Variants in SNX29 observed in about 807,000 individuals in gnomAD.
SNX29 encodes sorting nexin-29.
SNX29 carries 78 observed loss-of-function variants against 102.1 expected under a neutral mutation model. That is an observed-to-expected ratio of 0.76 (90% CI 0.64 to 0.92). SNX29 has a LOEUF of 0.92. Ranked by LOEUF, SNX29 falls within the 40% of genes least tolerant of loss-of-function variation. The probability of loss-of-function intolerance (pLI) is 0.00; values close to 1 mark genes in which losing one functional copy is unlikely to be tolerated. For missense variants in SNX29, 1,280 were observed against 1,061.7 expected (o/e 1.21, Z -2.86); for synonymous variants, 580 against 414.5 (o/e 1.40, Z -4.85).
At chr16:12,252,608 G>A (rs1245203207) in intron 14 of SNX29, among the ~76,000 whole-genome samples, 1 of 152,202 alleles carries the variant, frequency 6.6e-6, no homozygotes, top group Non-Finnish European at 1.5e-5. Flanking sequence ...GCATTTCCCG[G>A]TTCCATCAGT....
chr16:12,574,068 C>T lies in SNX29; in HGVS notation c.*5439C>T, dbSNP rs2141602249. ...CTGTGTGTACATAAGGTCTAGAAGT[C>T]TGTGGAAACGCCCTGAAACCTGTAG... On this transcript the variant is annotated 3_prime_UTR_variant, in exon 21 of 21. Transcript: ENST00000566228. 5.2e-6 allele frequency: 1 copy of T among 192,110 alleles called. No individual in the cohort carries two copies. The highest frequency in any genetic ancestry group is 8.3e-5 in the East Asian group (1 of 12,026). The allele number at this position is 192,110 out of a possible 1,614,324, so 11.9% of individuals were successfully genotyped here.
At chr16:12,095,428 AT>A (rs1239417625) in intron 11 of SNX29, 6 of 152,038 alleles carry the variant, frequency 3.9e-5, no homozygotes, top group Admixed American at 3.3e-4. Flanking sequence ...GGTTATCTGA[AT>A]TTTTCATGTC....
chr16:12,574,075 A>T lies in SNX29; in HGVS notation c.*5446A>T, dbSNP rs142647472. 100 of 191,278 alleles carry T rather than the reference A, an allele frequency of 5.2e-4. 1 individual carries two copies. Among genetic ancestry groups the T allele is most frequent in the African/African-American group, 2.1e-3 (92 of 43,112 alleles). 11.8% of individuals were successfully genotyped at this position (191,278 alleles called of 1,614,324 possible). On this transcript the variant is annotated 3_prime_UTR_variant, in exon 21 of 21. Transcript: ENST00000566228. ...TACATAAGGTCTAGAAGTCTGTGGA[A>T]ACGCCCTGAAACCTGTAGTATTATC...
intron 16 of SNX29, among the ~76,000 whole-genome samples, chr16:12,381,007 T>C (rs866458265): frequency 5.7e-4 from 16 of 28,130 alleles, no homozygotes; most frequent in African/African-American, 7.7e-4. Flanking sequence ...CCACCATCCA[T>C]CCACCCACCC....
intron 18 of SNX29, among the ~76,000 whole-genome samples, chr16:12,475,899 T>A (rs893437316): frequency 1.3e-5 from 2 of 152,224 alleles, no homozygotes; most frequent in Non-Finnish European, 2.9e-5. Flanking sequence ...GGCCATAGTT[T>A]GCCCACCCCG....
intron 15 of SNX29, among the ~76,000 whole-genome samples, chr16:12,334,953 T>C (rs1404240841): frequency 2.7e-5 from 4 of 147,508 alleles, no homozygotes; most frequent in Non-Finnish European, 5.9e-5. Context: ...TTTGATGTCA[T>C]ACACAAACCT....
At chr16:12,068,409 G>T (rs1042261940) in intron 9 of SNX29, among the ~76,000 whole-genome samples, 15 of 150,746 alleles carry the variant, frequency 1.0e-4, no homozygotes, top group African/African-American at 3.7e-4. Context: ...GACCACTGGA[G>T]CCTGGGAGGT....
intron 20 of SNX29, among the ~76,000 whole-genome samples, chr16:12,566,570 G>A (rs907926943): frequency 6.6e-6 from 1 of 152,180 alleles, no homozygotes. Flanking sequence ...GCTTTAAACT[G>A]ACTTTTACAT....
In SNX29 at chr16:11,976,790, G is replaced by T. The variant is rs908710673; in HGVS notation, c.-17G>T. ...CGGCGGCGGCGCGGCGCAGGCACCG[G>T]CCCGGGGAGAGGCACCATGAGCGGT... is the stretch of plus-strand genomic sequence containing the variant. On this transcript the variant is annotated 5_prime_UTR_variant, in exon 1 of 21. Coordinates refer to ENST00000566228, the MANE Select transcript of SNX29 (RefSeq NM_032167.5). 1 of 1,373,358 alleles carries T rather than the reference G, an allele frequency of 7.3e-7. No homozygotes were observed. Among genetic ancestry groups the T allele is most frequent in the South Asian group, 1.6e-5 (1 of 61,208 alleles). 85.1% of individuals were successfully genotyped at this position (1,373,358 alleles called of 1,614,324 possible). A position where few individuals can be genotyped will look rare whatever the true frequency, so the allele number is the denominator to read the frequency against.
chr16:12,004,909 G>A (rs1382126163), intron 3 of SNX29, among the ~76,000 whole-genome samples: 4 of 152,136 alleles, frequency 2.6e-5, no homozygotes. Context: ...TCACTATAAT[G>A]TCGGCTCTGT....
rs546749104 is a variant in SNX29, at chr16:12,317,319, T to C, written c.1783-38844T>C. Among the ~76,000 whole-genome samples the C allele has an allele frequency of 5.3e-5, 8 of 152,272 alleles. No individual in the cohort carries two copies. The South Asian group carries it at 1.7e-3, about 32-fold the overall frequency. ...ATGCGCAGGACTCAGTCTGAACAGGTGGCTCCCCTCGTCTTCCCCCTGGCT... is the reference window on the plus strand; with the variant it reads ...ATGCGCAGGACTCAGTCTGAACAGGCGGCTCCCCTCGTCTTCCCCCTGGCT... On this transcript the variant is annotated intron_variant, in intron 15 of 20. Coordinates refer to ENST00000566228, the MANE Select transcript of SNX29 (RefSeq NM_032167.5).
At chr16:12,155,774 A>G (rs2055521842) in intron 13 of SNX29, among the ~76,000 whole-genome samples, 1 of 152,156 alleles carries the variant, frequency 6.6e-6, no homozygotes, top group African/African-American at 2.4e-5. Context: ...TACAACCACC[A>G]TGGGTTCACT....
chr16:12,231,016 A>G (rs1057117186), intron 14 of SNX29, among the ~76,000 whole-genome samples: 17 of 150,828 alleles, frequency 1.1e-4, no homozygotes, highest in African/African-American at 4.2e-4. Context: ...ACACCCGGCT[A>G]ATTTTAATAT....
At chr16:12,452,612 A>G (rs578092884) in intron 18 of SNX29, among the ~76,000 whole-genome samples, 11 of 133,536 alleles carry the variant, frequency 8.2e-5, no homozygotes, top group African/African-American at 2.0e-4. Flanking sequence ...AGTTGCTCCA[A>G]TCATTTTCTC....
Position 12,572,752 on chromosome 16 carries a change from GCTT to G in SNX29, c.*4126_*4128del, listed in dbSNP as rs2079214749. 1 of 1,064,000 alleles carries G rather than the reference GCTT, an allele frequency of 9.4e-7. No individual in the cohort carries two copies. The highest frequency in any genetic ancestry group is 1.1e-6 in the Non-Finnish European group (1 of 878,572). 65.9% of individuals were successfully genotyped at this position (1,064,000 alleles called of 1,614,324 possible). On this transcript the variant is annotated 3_prime_UTR_variant, in exon 21 of 21. Coordinates refer to ENST00000566228, the MANE Select transcript of SNX29 (RefSeq NM_032167.5). The stretch of plus-strand genomic sequence containing the variant: ...TGGCAAAGGAAGGGCTGGGTTTTCA[GCTT>G]CTGGGACCCGAGGAAGACCCCACCT...
At chr16:12,182,841 G>A (rs993438315) in intron 13 of SNX29, among the ~76,000 whole-genome samples, 10 of 151,192 alleles carry the variant, frequency 6.6e-5, no homozygotes, top group Admixed American at 6.6e-4. Flanking sequence ...GGCTGAGGCA[G>A]GAGACTCCCT....
intron 20 of SNX29, among the ~76,000 whole-genome samples, chr16:12,530,861 T>G (rs1358976310): frequency 2.0e-5 from 3 of 152,190 alleles, no homozygotes; most frequent in Non-Finnish European, 4.4e-5. Flanking sequence ...TGGCCACCTT[T>G]CTTAATTTAA....
intron 15 of SNX29, among the ~76,000 whole-genome samples, chr16:12,352,805 C>T (rs1005781507): frequency 1.3e-5 from 2 of 152,208 alleles, no homozygotes; most frequent in African/African-American, 2.4e-5. Context: ...CTCCACCTGG[C>T]ATTTACTTTT....
In SNX29 at chr16:12,249,109, G is replaced by A. The variant is rs548844294; in HGVS notation, c.1679-28824G>A. On this transcript the variant is annotated intron_variant, in intron 14 of 20. Coordinates refer to ENST00000566228, the MANE Select transcript of SNX29 (RefSeq NM_032167.5). ...TCCGATTTTGGTTACTAACAATTGG[G>A]TGAGTTAGGGGTTCAGTCAGGGTGT... 3.2e-4 allele frequency among the ~76,000 whole-genome samples: 48 copies of A among 152,302 alleles called. 2 individuals are homozygous for A. The highest frequency in any genetic ancestry group is 9.2e-4 in the Admixed American group (14 of 15,298).
Sources: allele counts gnomAD v4.1 joint callset (sites outside exome capture counted in the v4.1 genomes callset), GRCh38; gene constraint gnomAD v4.1.1; transcripts MANE v1.5; gene names NCBI Gene and HGNC (gene_info 2026-07-23, HGNC 2026-07-21).